RABGAP1L: variants seen among roughly 807,000 people sequenced by gnomAD.
RABGAP1L encodes rab GTPase-activating protein 1-like.
RABGAP1L carries 63 observed loss-of-function variants against 137.7 expected under a neutral mutation model. The observed-to-expected ratio is 0.46, with a 90% CI of 0.37 to 0.56. The LOEUF is 0.56. RABGAP1L is among the 20% of genes least tolerant of loss of function. The pLI is 0.00. For synonymous variants in RABGAP1L, 431 were observed against 433.7 expected (o/e 0.99, Z 0.08); for missense variants, 1,095 against 1,244.0 (o/e 0.88, Z 1.80).
intron 14 of RABGAP1L, among the ~76,000 whole-genome samples, chr1:174,669,668 T>C (rs1188459556): frequency 1.3e-5 from 2 of 152,234 alleles, no homozygotes; most frequent in African/African-American, 4.8e-5. Context: ...TGGTGAGAGA[T>C]AAGGGTCTAG....
chr1:174,392,650 A>G (rs550079189), intron 12 of RABGAP1L, among the ~76,000 whole-genome samples: 1 of 152,338 alleles, frequency 6.6e-6, no homozygotes, highest in Admixed American at 6.5e-5. Context: ...TTTCTGAGAT[A>G]GCCCAAATAT....
chr1:174,657,658 T>G (rs1291629197), intron 14 of RABGAP1L, among the ~76,000 whole-genome samples: 1 of 152,224 alleles, frequency 6.6e-6, no homozygotes, highest in Non-Finnish European at 1.5e-5. Context: ...GACACTTGGG[T>G]TGATTTCTTA....
At chr1:174,238,546 C>A (rs1051223151) in intron 4 of RABGAP1L, among the ~76,000 whole-genome samples, 5 of 152,008 alleles carry the variant, frequency 3.3e-5, no homozygotes, top group African/African-American at 1.2e-4. Flanking sequence ...GTCAGTGTGC[C>A]TCTGCTGGGG....
intron 17 of RABGAP1L, among the ~76,000 whole-genome samples, chr1:174,703,911 G>A (rs2148530156): frequency 6.6e-6 from 1 of 152,130 alleles, no homozygotes; most frequent in Middle Eastern, 3.4e-3. Context: ...TATGTCCTTT[G>A]CCCGCTTTTT....
At chr1:174,925,889 GTT>G (rs376200965) in intron 19 of RABGAP1L, among the ~76,000 whole-genome samples, 15 of 108,072 alleles carry the variant, frequency 1.4e-4, no homozygotes, top group East Asian at 6.7e-4. Flanking sequence ...TTTTTTTTGT[GTT>G]TTTTTTTTTT....
Position 174,246,534 on chromosome 1 carries a change from C to T in RABGAP1L, c.718-3941C>T, listed in dbSNP as rs148790960. Among the ~76,000 whole-genome samples the T allele has an allele frequency of 6.8e-4, 104 of 152,302 alleles. 1 individual carries two copies. The highest frequency in any genetic ancestry group is 2.3e-3 in the African/African-American group (95 of 41,574). On this transcript the variant is annotated intron_variant, in intron 5 of 25. Coordinates refer to ENST00000681986, the MANE Select transcript of RABGAP1L (RefSeq NM_001366446.1). ...ATTTGATAAAAATGTATGGTTTCAT[C>T]TGTACTGAATATCTATAGCCTTTTT...
At chr1:174,462,160 G>A (rs1431584294) in intron 13 of RABGAP1L, among the ~76,000 whole-genome samples, 1 of 152,064 alleles carries the variant, frequency 6.6e-6, no homozygotes, top group African/African-American at 2.4e-5. Context: ...ATGGTGCTCA[G>A]GGCTGAATAA....
Position 174,184,911 on chromosome 1 carries a change from T to C in RABGAP1L, c.-34+25254T>C, listed in dbSNP as rs149885861. 7.2e-5 allele frequency among the ~76,000 whole-genome samples: 11 copies of C among 152,322 alleles called. No homozygotes were observed. In the East Asian group the frequency reaches 2.1e-3, roughly 29 times the overall value. On this transcript the variant is annotated intron_variant, in intron 1 of 25. Transcript: ENST00000681986. ...AGCCAAAGGTAATTAGATTTTACTTTTGGCAGGTGTATGCTAGCGATGTCT... is the reference window on the plus strand; with the variant it reads ...AGCCAAAGGTAATTAGATTTTACTTCTGGCAGGTGTATGCTAGCGATGTCT...
At chr1:174,597,692 A>G (rs1670072547) in intron 13 of RABGAP1L, among the ~76,000 whole-genome samples, 1 of 151,842 alleles carries the variant, frequency 6.6e-6, no homozygotes, top group South Asian at 2.1e-4. Context: ...CCTTTTGTTA[A>G]TCTTGTGTAT....
At chr1:174,371,159 T>C in intron 12 of RABGAP1L, 87 bp downstream of exon 12, 1 of 626,636 alleles carries the variant, frequency 1.6e-6, no homozygotes, top group Non-Finnish European at 2.6e-6. Context: ...TTAAAATAGG[T>C]TTTAAAGGAT....
chr1:174,353,919 C>A (rs1013106393), intron 11 of RABGAP1L, among the ~76,000 whole-genome samples: 1 of 152,158 alleles, frequency 6.6e-6, no homozygotes, highest in Non-Finnish European at 1.5e-5. Flanking sequence ...CATTTTGGTT[C>A]TTTTCAGCAG....
chr1:174,294,189 A>G (rs748598836), intron 10 of RABGAP1L, among the ~76,000 whole-genome samples: 6 of 152,174 alleles, frequency 3.9e-5, no homozygotes, highest in Non-Finnish European at 7.4e-5. Context: ...ATGAGTTATT[A>G]TTGTTGTTAG....
chr1:174,682,977 A>G (rs1009971244), intron 14 of RABGAP1L, among the ~76,000 whole-genome samples: 2 of 151,836 alleles, frequency 1.3e-5, no homozygotes, highest in African/African-American at 4.8e-5. Context: ...AGATTGGAGA[A>G]CCATTTTTAC....
At chr1:174,332,831 T>G (rs1681154899) in intron 11 of RABGAP1L, among the ~76,000 whole-genome samples, 2 of 152,180 alleles carry the variant, frequency 1.3e-5, no homozygotes, top group Non-Finnish European at 2.9e-5. Flanking sequence ...ACTGGAGTAT[T>G]TATCCAAAGG....
At chr1:174,899,011 A>G (rs1657694101) in intron 19 of RABGAP1L, among the ~76,000 whole-genome samples, 1 of 152,158 alleles carries the variant, frequency 6.6e-6, no homozygotes, top group Non-Finnish European at 1.5e-5. Context: ...TTGAAACCCT[A>G]GGTTCTCTGG....
chr1:174,887,338 TATATA>T (rs1314726808), intron 19 of RABGAP1L, among the ~76,000 whole-genome samples: 6 of 152,212 alleles, frequency 3.9e-5, no homozygotes, highest in African/African-American at 1.4e-4. Flanking sequence ...ATAGTACACT[TATATA>T]ATATTCACAA....
At position 174,949,297 on chromosome 1, in the gene RABGAP1L, A is replaced by T. The variant is rs75256334; in HGVS notation, c.2341-8160A>T. The stretch of plus-strand genomic sequence containing the variant: ...ACTTTGGCTGCCCAATAGCAAAAAG[A>T]TTTAGTACAGCAACTATGAACATGG... On this transcript the variant is annotated intron_variant, in intron 19 of 25. Transcript: ENST00000681986. Among the ~76,000 whole-genome samples, 126 of 152,384 alleles carry T rather than the reference A, an allele frequency of 8.3e-4. 2 individuals carry two copies. In the East Asian group the frequency reaches 0.022, roughly 27 times the overall value.
intron 13 of RABGAP1L, among the ~76,000 whole-genome samples, chr1:174,498,485 T>C (rs1227436566): frequency 1.3e-5 from 2 of 151,986 alleles, no homozygotes; most frequent in Non-Finnish European, 2.9e-5. Context: ...AAACGTTATT[T>C]TATTTTTATT....
chr1:174,701,697 C>CGCAT (rs1462009022), intron 16 of RABGAP1L, among the ~76,000 whole-genome samples: 1 of 147,944 alleles, frequency 6.8e-6, no homozygotes, highest in Non-Finnish European at 1.5e-5. Flanking sequence ...GAGCCAGGAT[C>CGCAT]ATGCCACTGT....
Sources: allele counts gnomAD v4.1 joint callset (sites outside exome capture counted in the v4.1 genomes callset), GRCh38; gene constraint gnomAD v4.1.1; transcripts MANE v1.5; gene names NCBI Gene and HGNC (gene_info 2026-07-23, HGNC 2026-07-21).